MAGI2: variants seen among roughly 807,000 people sequenced by gnomAD.
The protein encoded by MAGI2 is membrane associated guanylate kinase, WW and PDZ domain containing 2.
MAGI2 carries 35 observed loss-of-function variants against 133.3 expected under a neutral mutation model. That is an observed-to-expected ratio of 0.26 (90% confidence interval 0.20 to 0.35). The LOEUF (loss-of-function observed/expected upper bound fraction) is 0.35, where lower values mean the gene tolerates loss of function less well. Ranked by LOEUF, MAGI2 falls within the 10% of genes least tolerant of loss-of-function variation. The pLI, the probability that MAGI2 is intolerant of heterozygous loss-of-function variation, is 1.00. For synonymous variants in MAGI2, 729 were observed against 710.6 expected (o/e 1.03, Z -0.41); for missense variants, 1,636 against 1,863.4 (o/e 0.88, Z 2.25).
At chr7:78,912,715 T>TTA (rs35766346) in intron 2 of MAGI2, among the ~76,000 whole-genome samples, 6,861 of 145,538 alleles carry the variant, frequency 0.047, 262 homozygotes, top group Non-Finnish European at 0.069. Flanking sequence ...AAACTCCCCT[T>TTA]TATATATATA....
At chr7:78,058,891 T>A (rs1436817474) in intron 21 of MAGI2, among the ~76,000 whole-genome samples, 2 of 152,234 alleles carry the variant, frequency 1.3e-5, no homozygotes, top group Non-Finnish European at 2.9e-5. Context: ...TTTTCCCTGA[T>A]GATGGCTCTG....
intron 1 of MAGI2, among the ~76,000 whole-genome samples, chr7:79,021,957 G>A (rs956680015): frequency 1.3e-5 from 2 of 152,132 alleles, no homozygotes; most frequent in African/African-American, 4.8e-5. Flanking sequence ...TTTTGTGACA[G>A]TGAGCGAGTT....
At chr7:78,654,703 G>GTGTATA (rs1481570513) in intron 2 of MAGI2, among the ~76,000 whole-genome samples, 2 of 118,442 alleles carry the variant, frequency 1.7e-5, no homozygotes, top group African/African-American at 6.5e-5. Flanking sequence ...TTACATATAT[G>GTGTATA]TATATATATA....
rs1411190866 is a variant in MAGI2, at chr7:79,136,101, GAAAGA to G, written c.302-128900_302-128896del. On this transcript the variant is annotated intron_variant, in intron 1 of 21. Coordinates refer to ENST00000354212, the MANE Select transcript of MAGI2 (RefSeq NM_012301.4). ...AGAAAGAAAGAAAGAAAGAAAGAAA[GAAAGA>G]AAGAAAGAAAGAAAGAAAGAAAGAC... Among the ~76,000 whole-genome samples, 1,020 of 150,396 alleles carry G rather than the reference GAAAGA, an allele frequency of 6.8e-3. 9 individuals are homozygous for G. The highest frequency in any genetic ancestry group is 0.011 in the Non-Finnish European group (723 of 67,426).
intron 1 of MAGI2, among the ~76,000 whole-genome samples, chr7:79,305,746 A>G (rs1356503697): frequency 6.6e-6 from 1 of 152,098 alleles, no homozygotes; most frequent in African/African-American, 2.4e-5. Flanking sequence ...TGTCTCTACA[A>G]AAAATAAGAA....
intron 7 of MAGI2, among the ~76,000 whole-genome samples, chr7:78,360,769 T>C (rs1394868464): frequency 6.6e-6 from 1 of 152,222 alleles, no homozygotes; most frequent in African/African-American, 2.4e-5. Flanking sequence ...AAAAGTTGTC[T>C]GCAACTCTCT....
chr7:78,465,020 G>C (rs144783719), intron 6 of MAGI2, among the ~76,000 whole-genome samples: 2 of 151,910 alleles, frequency 1.3e-5, no homozygotes, highest in Non-Finnish European at 2.9e-5. Context: ...TTCAGAATAC[G>C]AATTGAAAAA....
At chr7:78,422,940 A>G (rs941470472) in intron 6 of MAGI2, among the ~76,000 whole-genome samples, 4 of 152,208 alleles carry the variant, frequency 2.6e-5, no homozygotes, top group Non-Finnish European at 4.4e-5. Context: ...CTTTAGGTCA[A>G]TTCTGAGAGC....
At chr7:78,271,106 G>A (rs1273014786) in intron 9 of MAGI2, among the ~76,000 whole-genome samples, 1 of 152,110 alleles carries the variant, frequency 6.6e-6, no homozygotes, top group Non-Finnish European at 1.5e-5. Flanking sequence ...CTGTGGGTTT[G>A]TCATAAATAG....
chr7:78,816,410 C>T (rs1789594009), intron 2 of MAGI2, among the ~76,000 whole-genome samples: 1 of 152,184 alleles, frequency 6.6e-6, no homozygotes, highest in Non-Finnish European at 1.5e-5. Context: ...CACTAAACAA[C>T]AGATTTATAA....
Position 79,016,469 on chromosome 7 carries a change from G to C in MAGI2, c.302-9263C>G, listed in dbSNP as rs142189815. The stretch of plus-strand genomic sequence containing the variant: ...TGTACTTGACCAGTAAACAGCTCCA[G>C]TAGGGTGCCCCAATAGAGTGTCCCT... On this transcript the variant is annotated intron_variant, in intron 1 of 21. Transcript: ENST00000354212. Among the ~76,000 whole-genome samples the C allele has an allele frequency of 3.9e-5, 6 of 152,222 alleles. No individual in the cohort carries two copies. The East Asian group carries it at 1.2e-3, about 30-fold the overall frequency.
At chr7:78,733,433 G>T (rs1821558883) in intron 2 of MAGI2, among the ~76,000 whole-genome samples, 1 of 152,112 alleles carries the variant, frequency 6.6e-6, no homozygotes, top group Non-Finnish European at 1.5e-5. Flanking sequence ...TTACAATTGT[G>T]TGGACACATA....
intron 1 of MAGI2, among the ~76,000 whole-genome samples, chr7:79,216,579 C>A (rs1830051234): frequency 6.6e-6 from 1 of 151,966 alleles, no homozygotes; most frequent in Non-Finnish European, 1.5e-5. Context: ...GGGTCCAGAG[C>A]CCAAAAAAGC....
intron 9 of MAGI2, among the ~76,000 whole-genome samples, chr7:78,320,857 G>T (rs1787921955): frequency 6.6e-6 from 1 of 151,976 alleles, no homozygotes; most frequent in Non-Finnish European, 1.5e-5. Context: ...ATGACATGAT[G>T]GTATATTTAG....
chr7:79,222,885 G>C (rs749498224), intron 1 of MAGI2, among the ~76,000 whole-genome samples: 3 of 151,694 alleles, frequency 2.0e-5, no homozygotes, highest in Non-Finnish European at 2.9e-5. Flanking sequence ...TTTTTTGTTT[G>C]TTTGTTTGTT....
chr7:79,368,773 G>A (rs571677111), intron 1 of MAGI2, among the ~76,000 whole-genome samples: 7 of 147,860 alleles, frequency 4.7e-5, no homozygotes, highest in Non-Finnish European at 1.0e-4. Context: ...GCGTGAACCC[G>A]GGAGGCGGAG....
chr7:78,888,797 C>T (rs1796483211), intron 2 of MAGI2, among the ~76,000 whole-genome samples: 1 of 152,064 alleles, frequency 6.6e-6, no homozygotes. Context: ...AGCAGAAAAA[C>T]TGGAAACTCT....
intron 5 of MAGI2, 85 bp downstream of exon 5, chr7:78,501,492 T>C: frequency 3.4e-6 from 4 of 1,193,856 alleles, no homozygotes; most frequent in Non-Finnish European, 4.7e-6. Flanking sequence ...TTCTTTTTTT[T>C]TTTTTTTCCA....
At chr7:78,314,724 C>G (rs1332138750) in intron 9 of MAGI2, among the ~76,000 whole-genome samples, 1 of 152,170 alleles carries the variant, frequency 6.6e-6, no homozygotes, top group Non-Finnish European at 1.5e-5. Context: ...GGAGTATACT[C>G]AAATCACGCT....
Sources: allele counts gnomAD v4.1 joint callset (sites outside exome capture counted in the v4.1 genomes callset), GRCh38; gene constraint gnomAD v4.1.1; transcripts MANE v1.5; gene names NCBI Gene and HGNC (gene_info 2026-07-23, HGNC 2026-07-21).